CNNM1: variants seen among roughly 807,000 people sequenced by gnomAD.
CNNM1 encodes cyclin and CBS domain divalent metal cation transport mediator 1, also known as metal transporter CNNM1.
A neutral mutation model predicts 78.8 loss-of-function variants in CNNM1; 44 were observed. The observed-to-expected ratio is 0.56, with a 90% CI of 0.44 to 0.72. The LOEUF is 0.72. CNNM1 is among the 30% of genes least tolerant of loss of function. CNNM1 has a pLI of 0.00. For synonymous variants in CNNM1, 584 were observed against 581.5 expected, an observed-to-expected ratio of 1.00 and a Z score of -0.06; for missense variants, 1,101 against 1,292.2, an observed-to-expected ratio of 0.85 and a Z score of 2.27.
In CNNM1 at chr10:99,365,123, C is replaced by T. The variant is rs750951672; in HGVS notation, c.2176+121C>T. On this transcript the variant is annotated intron_variant, in intron 6 of 10. Transcript: ENST00000356713. The stretch of plus-strand genomic sequence containing the variant: ...GGGCTAAGACAAATGCTGGCAGCCC[C>T]TTTGTAATGTTCTGCCAGGAACACT... 92 of 963,144 alleles carry T rather than the reference C, an allele frequency of 9.6e-5. 2 individuals are homozygous for T. The highest frequency in any genetic ancestry group is 9.2e-5 in the Non-Finnish European group (56 of 608,550). The allele number at this position is 963,144 out of a possible 1,614,324, so 59.7% of individuals were successfully genotyped here. A position where few individuals can be genotyped will look rare whatever the true frequency, so the allele number is the denominator to read the frequency against.
At chr10:99,387,728 C>A (rs921513226) in intron 7 of CNNM1, 92 bp from the exon 8 acceptor site, 8 of 1,321,330 alleles carry the variant, frequency 6.1e-6, no homozygotes, top group Non-Finnish European at 7.2e-6. Context: ...TTCCAAGCAC[C>A]CCAGCGAGGC....
intron 6 of CNNM1, chr10:99,368,395 C>A: frequency 2.9e-6 from 1 of 339,746 alleles, no homozygotes; most frequent in Non-Finnish European, 5.9e-6. Context: ...TTTCAGATGA[C>A]CTTCAGCAAA....
chr10:99,346,757 G>C (rs577109947), intron 1 of CNNM1, among the ~76,000 whole-genome samples: 2 of 152,234 alleles, frequency 1.3e-5, no homozygotes, highest in Admixed American at 1.3e-4. Flanking sequence ...ACAGGCGTGA[G>C]CCACCATGCC....
At chr10:99,365,338 GTGCAATAACAATT>G (rs1399348553) in intron 6 of CNNM1, among the ~76,000 whole-genome samples, 1 of 152,244 alleles carries the variant, frequency 6.6e-6, no homozygotes, top group Non-Finnish European at 1.5e-5. Flanking sequence ...CCTTCCTTCT[GTGCAATAACAATT>G]CACCCATGGC....
chr10:99,385,312 C>T (rs572250586), intron 7 of CNNM1, among the ~76,000 whole-genome samples: 1 of 152,296 alleles, frequency 6.6e-6, no homozygotes, highest in Non-Finnish European at 1.5e-5. Flanking sequence ...CTGTCCCTTT[C>T]CTTCTGTCCC....
intron 9 of CNNM1, among the ~76,000 whole-genome samples, chr10:99,389,416 C>CAAAAAAAAA (rs56180037): frequency 1.2e-5 from 1 of 84,022 alleles, no homozygotes; most frequent in Non-Finnish European, 2.4e-5. Context: ...GATTCCATCT[C>CAAAAAAAAA]AAAAAAAAAA....
chr10:99,377,399 A>AC, intron 7 of CNNM1, 181 bp downstream of exon 7: 2 of 524,862 alleles, frequency 3.8e-6, no homozygotes, highest in East Asian at 3.1e-5. Context: ...AAGCTTTAGG[A>AC]CGGTTCATTA....
intron 7 of CNNM1, among the ~76,000 whole-genome samples, chr10:99,385,970 A>G (rs553099428): frequency 6.6e-6 from 1 of 152,340 alleles, no homozygotes; most frequent in Non-Finnish European, 1.5e-5. Flanking sequence ...TTGGTGTTAG[A>G]GCCAAATTTC....
chr10:99,366,538 C>T (rs1410874472), intron 6 of CNNM1, among the ~76,000 whole-genome samples: 2 of 151,352 alleles, frequency 1.3e-5, no homozygotes, highest in East Asian at 1.9e-4. Context: ...AATCCCAGCA[C>T]TTTGGGAGGC....
At chr10:99,359,379 G>A (rs931019473) in intron 2 of CNNM1, among the ~76,000 whole-genome samples, 3 of 152,148 alleles carry the variant, frequency 2.0e-5, no homozygotes, top group Non-Finnish European at 2.9e-5. Context: ...AGCAGGTTAG[G>A]GTCTTTCTAC....
chr10:99,356,562 C>CAGACAGACAGACAGAAAGAAAAGAAA, intron 1 of CNNM1, among the ~76,000 whole-genome samples: 6 of 98,444 alleles, frequency 6.1e-5, no homozygotes, highest in Non-Finnish European at 1.0e-4. Flanking sequence ...GACAGACAGA[C>CAGACAGACAGACAGAAAGAAAAGAAA]AGAAAGAAAG....
chr10:99,348,594 G>C (rs1193353555), intron 1 of CNNM1, among the ~76,000 whole-genome samples: 1 of 152,162 alleles, frequency 6.6e-6, no homozygotes, highest in Non-Finnish European at 1.5e-5. Context: ...ATGACTCTTG[G>C]GTTATGACTT....
rs779000079 is a variant in CNNM1 at position 99,365,011 on chromosome 10, C to T, written c.2176+9C>T. 6 of 1,613,670 alleles carry T rather than the reference C, an allele frequency of 3.7e-6. No homozygotes were observed. The Admixed American group carries it at 1.0e-4, about 27-fold the overall frequency. On this transcript the variant is annotated intron_variant, in intron 6 of 10. Coordinates refer to ENST00000356713, the MANE Select transcript of CNNM1 (RefSeq NM_020348.3). ...TGGATCTTCTGTCTTTCGTATGTATCTCTCAAACCCCTTCCTCGTCCTCCC... is the reference window on the plus strand; with the variant it reads ...TGGATCTTCTGTCTTTCGTATGTATTTCTCAAACCCCTTCCTCGTCCTCCC...
chr10:99,331,077 C>A lies in CNNM1; in HGVS notation c.1573+117C>A. On this transcript the variant is annotated intron_variant, in intron 1 of 10. Transcript: ENST00000356713. ...ATTTCTCTCCTATGGTACTAAAAAC[C>A]CAAGGAAGACTCTACCTCTTGGCTC... The A allele has an allele frequency of 4.0e-6, 4 of 998,374 alleles. No homozygotes were observed. The South Asian group carries it at 6.6e-5, about 17-fold the overall frequency. The allele number at this position is 998,374 out of a possible 1,614,324, so 61.8% of individuals were successfully genotyped here. A position where few individuals can be genotyped will look rare whatever the true frequency, so the allele number is the denominator to read the frequency against.
intron 2 of CNNM1, among the ~76,000 whole-genome samples, chr10:99,360,462 T>A (rs578123346): frequency 1.7e-4 from 26 of 152,186 alleles, no homozygotes; most frequent in Non-Finnish European, 3.2e-4. Context: ...TCATAATTAA[T>A]TGCACAAGAT....
intron 2 of CNNM1, among the ~76,000 whole-genome samples, chr10:99,358,741 C>T (rs1212888845): frequency 2.6e-5 from 4 of 152,042 alleles, no homozygotes; most frequent in African/African-American, 7.2e-5. Context: ...GGAACGAGCT[C>T]GGAAATGTCC....
At chr10:99,337,421 A>T (rs1416030434) in intron 1 of CNNM1, among the ~76,000 whole-genome samples, 1 of 152,156 alleles carries the variant, frequency 6.6e-6, no homozygotes, top group Admixed American at 6.5e-5. Flanking sequence ...CCCTCCAGCA[A>T]TGCTGAACTC....
At chr10:99,382,504 T>A (rs1386510704) in intron 7 of CNNM1, among the ~76,000 whole-genome samples, 1 of 152,158 alleles carries the variant, frequency 6.6e-6, no homozygotes, top group Non-Finnish European at 1.5e-5. Context: ...GGCTCACACC[T>A]GTAATCCCAC....
intron 1 of CNNM1, among the ~76,000 whole-genome samples, chr10:99,356,572 G>GAAAGAAAAGAAAAGAAAGAAAGA: frequency 8.7e-6 from 1 of 115,202 alleles, no homozygotes; most frequent in Non-Finnish European, 1.8e-5. Flanking sequence ...CAGAAAGAAA[G>GAAAGAAAAGAAAAGAAAGAAAGA]AAAGAAAGAA....
Sources: gnomAD v4.1 joint callset for allele counts (sites outside exome capture counted in the v4.1 genomes callset) on GRCh38, gnomAD v4.1.1 for gene constraint, MANE v1.5 for transcripts, NCBI Gene and HGNC (gene_info 2026-07-23, HGNC 2026-07-21) for gene names.